The following DUSP22 variants were observed in gnomAD, a reference collection of about 807,000 sequenced individuals.
DUSP22 encodes the protein dual specificity protein phosphatase 22.
In DUSP22, 24 loss-of-function variants were observed where a neutral mutation model predicts 24.5. The ratio of observed to expected loss-of-function variants is 0.98; its 90% CI spans 0.71 to 1.38. The LOEUF is 1.38. Among genes scored for constraint, DUSP22 ranks in the 40% most tolerant of loss-of-function variants. DUSP22 has a pLI of 0.00. For synonymous variants in DUSP22, 160 were observed against 106.4 expected (o/e 1.50, Z -3.10); for missense variants, 330 against 269.2 (o/e 1.23, Z -1.58).
At chr6:347,054 T>G (rs1254862602) in intron 5 of DUSP22, among the ~76,000 whole-genome samples, 1 of 152,300 alleles carries the variant, frequency 6.6e-6, no homozygotes, top group African/African-American at 2.4e-5. Context: ...AATGGTAGGA[T>G]TTTAACGTTC....
chr6:304,319 CTGTGGGGCCAGGGT>C (rs1757720077), intron 1 of DUSP22, among the ~76,000 whole-genome samples: 1 of 152,304 alleles, frequency 6.6e-6, no homozygotes, highest in Non-Finnish European at 1.5e-5. Flanking sequence ...GCCGCCAGGG[CTGTGGGGCCAGGGT>C]GGGCAGGCGG....
chr6:301,591 C>T (rs1336647175), intron 1 of DUSP22, among the ~76,000 whole-genome samples: 3 of 152,296 alleles, frequency 2.0e-5, no homozygotes, highest in African/African-American at 4.8e-5. Flanking sequence ...TCAGTGTTTA[C>T]TACTGTAACC....
chr6:336,976 G>A (rs1277190161), intron 4 of DUSP22: 3 of 152,454 alleles, frequency 2.0e-5, no homozygotes, highest in African/African-American at 4.8e-5. Flanking sequence ...ACATGCTGTT[G>A]AACTTGTCAG....
chr6:309,100 C>T (rs111984845), intron 2 of DUSP22, among the ~76,000 whole-genome samples: 260 of 152,340 alleles, frequency 1.7e-3, no homozygotes, highest in African/African-American at 6.1e-3. Flanking sequence ...ATTCTAGCTT[C>T]TGCCTAATTA....
chr6:328,987 T>C (rs1156843843), intron 3 of DUSP22, among the ~76,000 whole-genome samples: 1 of 152,310 alleles, frequency 6.6e-6, no homozygotes, highest in East Asian at 1.9e-4. Context: ...ACAAATGTTA[T>C]GGGCTATGTG....
intron 5 of DUSP22, among the ~76,000 whole-genome samples, chr6:347,218 G>C (rs1310821120): frequency 6.6e-6 from 1 of 152,310 alleles, no homozygotes; most frequent in Non-Finnish European, 1.5e-5. Context: ...GATCTCTCCT[G>C]GTAGTTCTAA....
chr6:347,990 G>T, intron 5 of DUSP22, 113 bp from the exon 6 acceptor site: 1 of 1,488,744 alleles, frequency 6.7e-7, no homozygotes, highest in South Asian at 1.3e-5. Context: ...TATAATCCAA[G>T]GCAGGAAGAC....
In DUSP22 at chr6:349,879, C is replaced by T. The variant is rs1760108449; in HGVS notation, c.*928C>T. On this transcript the variant is annotated 3_prime_UTR_variant, in exon 7 of 7. Coordinates refer to ENST00000419235, the MANE Select transcript of DUSP22 (RefSeq NM_001286555.3). ...TTAGCCTAAGTTGGGTGCCCCAGGG[C>T]ACCCCCTCCTCTCTGCTCCTTGCCA... is the stretch of plus-strand genomic sequence containing the variant. The T allele has an allele frequency of 2.0e-6, 2 of 985,920 alleles. No homozygotes were observed. The highest frequency in any genetic ancestry group is 1.7e-5 in the African/African-American group (1 of 57,284). 61.1% of individuals were successfully genotyped at this position (985,920 alleles called of 1,614,324 possible).
At chr6:312,897 T>C (rs1758172911) in intron 3 of DUSP22, among the ~76,000 whole-genome samples, 1 of 152,276 alleles carries the variant, frequency 6.6e-6, no homozygotes, top group Non-Finnish European at 1.5e-5. Context: ...GAATCATAGG[T>C]GGTGAACAAA....
At chr6:322,843 G>T (rs1004512977) in intron 3 of DUSP22, among the ~76,000 whole-genome samples, 2 of 141,542 alleles carry the variant, frequency 1.4e-5, no homozygotes, top group Non-Finnish European at 3.1e-5. Context: ...GGCGGGGGGG[G>T]GCCTTCGAGT....
intron 3 of DUSP22, among the ~76,000 whole-genome samples, chr6:312,679 AG>A (rs1171732104): frequency 6.6e-6 from 1 of 152,282 alleles, no homozygotes; most frequent in African/African-American, 2.4e-5. Context: ...TTGGAAAGGG[AG>A]GGGTGGCTTG....
chr6:347,676 G>C (rs1265154411), intron 5 of DUSP22, among the ~76,000 whole-genome samples: 1 of 152,304 alleles, frequency 6.6e-6, no homozygotes, highest in Admixed American at 6.5e-5. Context: ...ATATAGCTGA[G>C]AAAACTCGAC....
intron 3 of DUSP22, among the ~76,000 whole-genome samples, chr6:328,025 G>A (rs1226179653): frequency 6.6e-6 from 1 of 152,306 alleles, no homozygotes; most frequent in Non-Finnish European, 1.5e-5. Context: ...GCTGAGATGT[G>A]TGATCAGATA....
chr6:307,515 C>T (rs1348248364), intron 2 of DUSP22, among the ~76,000 whole-genome samples: 3 of 152,308 alleles, frequency 2.0e-5, no homozygotes, highest in African/African-American at 4.8e-5. Context: ...TTTGGGTCTT[C>T]GATGCTTTGG....
chr6:297,506 A>G (rs1025720051), intron 1 of DUSP22, among the ~76,000 whole-genome samples: 5 of 152,300 alleles, frequency 3.3e-5, no homozygotes, highest in Admixed American at 6.5e-5. Context: ...CTACACCTGT[A>G]GACATTTCAG....
intron 1 of DUSP22, among the ~76,000 whole-genome samples, chr6:304,297 C>T (rs1479459955): frequency 6.6e-6 from 1 of 152,308 alleles, no homozygotes; most frequent in East Asian, 1.9e-4. Context: ...CAGCAGAGTG[C>T]AGAGCTGCAG....
chr6:307,678 A>G (rs1757872980), intron 2 of DUSP22, among the ~76,000 whole-genome samples: 1 of 152,312 alleles, frequency 6.6e-6, no homozygotes, highest in African/African-American at 2.4e-5. Context: ...CAGCGACAGT[A>G]GATGTCAGCT....
chr6:297,174 C>T (rs1199578717), intron 1 of DUSP22, among the ~76,000 whole-genome samples: 4 of 152,306 alleles, frequency 2.6e-5, no homozygotes, highest in African/African-American at 4.8e-5. Context: ...TTTTTTCCTT[C>T]CTGGATTCAT....
chr6:323,512 T>C (rs1758705442), intron 3 of DUSP22, among the ~76,000 whole-genome samples: 1 of 152,308 alleles, frequency 6.6e-6, no homozygotes, highest in Non-Finnish European at 1.5e-5. Context: ...TCCAACTTTT[T>C]GTTCTCAGGT....
Sources: gnomAD v4.1 joint callset for allele counts (sites outside exome capture counted in the v4.1 genomes callset) on GRCh38, gnomAD v4.1.1 for gene constraint, MANE v1.5 for transcripts, NCBI Gene and HGNC (gene_info 2026-07-23, HGNC 2026-07-21) for gene names.